MAPKAPK2: variants seen among roughly 807,000 people sequenced by gnomAD.
MAPKAPK2 encodes the protein MAPK activated protein kinase 2.
In MAPKAPK2, 9 loss-of-function variants were observed where a neutral mutation model predicts 48.8. The ratio of observed to expected loss-of-function variants is 0.18; its 90% CI spans 0.11 to 0.32. MAPKAPK2 has a LOEUF of 0.32. Ranked by LOEUF, MAPKAPK2 falls within the 10% of genes least tolerant of loss-of-function variation. The pLI is 1.00. For synonymous variants in MAPKAPK2, 202 were observed against 190.6 expected (o/e 1.06, Z -0.49); for missense variants, 331 against 498.3 (o/e 0.66, Z 3.20).
intron 1 of MAPKAPK2, among the ~76,000 whole-genome samples, chr1:206,691,163 A>C (rs1553426186): frequency 6.6e-6 from 1 of 152,128 alleles, no homozygotes; most frequent in Admixed American, 6.5e-5. Flanking sequence ...AGAAATGTTC[A>C]GTGGCATGTC....
intron 1 of MAPKAPK2, among the ~76,000 whole-genome samples, chr1:206,688,999 C>T (rs1255786232): frequency 1.3e-5 from 2 of 152,110 alleles, no homozygotes; most frequent in Non-Finnish European, 2.9e-5. Flanking sequence ...TTGTATTCCC[C>T]GGGAGGGTTC....
intron 1 of MAPKAPK2, among the ~76,000 whole-genome samples, chr1:206,716,375 T>C (rs1673335314): frequency 1.3e-5 from 2 of 152,306 alleles, no homozygotes; most frequent in East Asian, 1.9e-4. Context: ...TCCCTGGCCA[T>C]GTAGTCTGCT....
At chr1:206,711,514 G>A (rs192490323) in intron 1 of MAPKAPK2, among the ~76,000 whole-genome samples, 11 of 151,904 alleles carry the variant, frequency 7.2e-5, no homozygotes, top group Non-Finnish European at 1.5e-4. Context: ...GCCTCCCAGA[G>A]TGCTGGGATT....
intron 1 of MAPKAPK2, among the ~76,000 whole-genome samples, chr1:206,725,398 C>T (rs1157330053): frequency 6.6e-6 from 1 of 152,198 alleles, no homozygotes; most frequent in Non-Finnish European, 1.5e-5. Flanking sequence ...CTGGTTACAT[C>T]CACATGCTCC....
rs1572519817 is a variant in MAPKAPK2, at chr1:206,732,490, C to T, written c.1060-85C>T. On this transcript the variant is annotated intron_variant, in intron 9 of 9. Transcript: ENST00000367103. This position sits in a 1 kb window ranked among gnomAD's most constrained non-coding sequence, Gnocchi z 4.4. ...CGCCCTCACCCTGCCCTTGTTGTCT[C>T]TGTCTCTCACGTCTCTCTTCTGCTG... is the stretch of plus-strand genomic sequence containing the variant. 1 of 1,569,766 alleles carries T rather than the reference C, an allele frequency of 6.4e-7. No individual in the cohort carries two copies.
chr1:206,717,249 C>T (rs530947526), intron 1 of MAPKAPK2, among the ~76,000 whole-genome samples: 53 of 152,294 alleles, frequency 3.5e-4, no homozygotes, highest in Admixed American at 7.8e-4. Flanking sequence ...TTGGTTGCCG[C>T]ACCTGTACGA....
chr1:206,703,841 A>G (rs1209615913), intron 1 of MAPKAPK2, among the ~76,000 whole-genome samples: 2 of 152,200 alleles, frequency 1.3e-5, no homozygotes, highest in Admixed American at 1.3e-4. Flanking sequence ...AAGGCGTTGT[A>G]AGAAACATGC....
rs1216437188 is a variant in MAPKAPK2, at chr1:206,733,302, GTGTGCA to G, written c.*585_*590del. On this transcript the variant is annotated 3_prime_UTR_variant, in exon 10 of 10. Coordinates refer to ENST00000367103, the MANE Select transcript of MAPKAPK2 (RefSeq NM_032960.4). ...TGTATGTGTGTGTGTGTGTGTGTGT[GTGTGCA>G]CACGTGTGTATGAGTGCGCAGATCT... 1 of 153,314 alleles carries G rather than the reference GTGTGCA, an allele frequency of 6.5e-6. No individual in the cohort carries two copies. The highest frequency in any genetic ancestry group is 1.9e-4 in the East Asian group (1 of 5,316). The allele number at this position is 153,314 out of a possible 1,614,324, so 9.5% of individuals were successfully genotyped here.
chr1:206,730,782 GGGCT>G lies in MAPKAPK2; in HGVS notation c.767+22_767+25del. The G allele has an allele frequency of 6.4e-7, 1 of 1,551,590 alleles. No homozygotes were observed. The highest frequency in any genetic ancestry group is 8.9e-7 in the Non-Finnish European group (1 of 1,122,890). On this transcript the variant is annotated intron_variant, in intron 6 of 9. Coordinates refer to ENST00000367103, the MANE Select transcript of MAPKAPK2 (RefSeq NM_032960.4). Reference sequence around the variant, plus strand: ...ACATCCTGTGAGTGTGCTGGGGAGGGGGCTGGGTGGGGCAGGGAGTCAGGGCGGC... The same window carrying G: ...ACATCCTGTGAGTGTGCTGGGGAGGGGGGTGGGGCAGGGAGTCAGGGCGGC...
rs550900907 is a variant in MAPKAPK2 at position 206,732,567 on chromosome 1, G to T, written c.1060-8G>T. On this transcript the variant is annotated splice_polypyrimidine_tract_variant and splice_region_variant and intron_variant, in intron 9 of 9. Coordinates refer to ENST00000367103, the MANE Select transcript of MAPKAPK2 (RefSeq NM_032960.4). The surrounding 1 kb of genome is among the most constrained non-coding windows in gnomAD (Gnocchi z 4.4). ...TCTGTACCCTTCCTGGTGCTGCCGT[G>T]CCCCCAGGAGGAGATGACCAGTGCC... The T allele has an allele frequency of 6.2e-7, 1 of 1,613,600 alleles. No homozygotes were observed. The highest frequency in any genetic ancestry group is 1.1e-5 in the South Asian group (1 of 91,050).
rs782137999 is a variant in MAPKAPK2 at position 206,733,052 on chromosome 1, ATACTGCAAAGGCTTGTGGTT to A, written c.*336_*355del. On this transcript the variant is annotated 3_prime_UTR_variant, in exon 10 of 10. Coordinates refer to ENST00000367103, the MANE Select transcript of MAPKAPK2 (RefSeq NM_032960.4). ...CTCCACCAGACGCCTTCCTCTCTGG[ATACTGCAAAGGCTTGTGGTT>A]TGTTAGAGGGTATTTGTGGAAACTG... 3.9e-4 allele frequency: 106 copies of A among 269,082 alleles called. No individual in the cohort carries two copies. Among genetic ancestry groups the A allele is most frequent in the Admixed American group, 1.2e-3 (24 of 20,748 alleles). 16.7% of individuals were successfully genotyped at this position (269,082 alleles called of 1,614,324 possible).
In MAPKAPK2 at chr1:206,704,407, G is replaced by C. The variant is rs1185668094; in HGVS notation, c.279+18899G>C. ...GTTGCTGGAATTAGTGGTGGTGGTGGCTCAGCTCACCCAGACCATGTGTGA... is the reference window on the plus strand; with the variant it reads ...GTTGCTGGAATTAGTGGTGGTGGTGCCTCAGCTCACCCAGACCATGTGTGA... On this transcript the variant is annotated intron_variant, in intron 1 of 9. Transcript: ENST00000367103. The surrounding 1 kb of genome is among the most constrained non-coding windows in gnomAD (Gnocchi z 4.3). Among the ~76,000 whole-genome samples the C allele has an allele frequency of 3.3e-5, 5 of 152,176 alleles. No homozygotes were observed. The highest frequency in any genetic ancestry group is 1.2e-4 in the African/African-American group (5 of 41,444).
chr1:206,691,523 A>G (rs1672458840), intron 1 of MAPKAPK2, among the ~76,000 whole-genome samples: 1 of 148,032 alleles, frequency 6.8e-6, no homozygotes, highest in African/African-American at 2.5e-5. Context: ...ACACAGATAT[A>G]GATATGTAGA....
intron 1 of MAPKAPK2, 151 bp downstream of exon 1, chr1:206,685,659 G>GT: frequency 2.0e-6 from 1 of 503,036 alleles, no homozygotes; most frequent in Non-Finnish European, 2.6e-6. Context: ...GCGGTGCCGA[G>GT]TGCGGCGCGG....
chr1:206,698,469 T>G lies in MAPKAPK2; in HGVS notation c.279+12961T>G, dbSNP rs1183346731. 4.1e-4 allele frequency among the ~76,000 whole-genome samples: 62 copies of G among 152,208 alleles called. 1 individual carries two copies. The highest frequency in any genetic ancestry group is 2.9e-5 in the Non-Finnish European group (2 of 68,032). On this transcript the variant is annotated intron_variant, in intron 1 of 9. Transcript: ENST00000367103. ...TTAATTAGCAATGCCAAGAGTGACTTGTACAGCTCCCCTAAGGATAGCTCA... is the reference window on the plus strand; with the variant it reads ...TTAATTAGCAATGCCAAGAGTGACTGGTACAGCTCCCCTAAGGATAGCTCA...
intron 3 of MAPKAPK2, 34 bp from the exon 4 acceptor site, chr1:206,729,362 T>G: frequency 1.3e-6 from 2 of 1,561,530 alleles, no homozygotes; most frequent in East Asian, 2.2e-5. Flanking sequence ...CTTTGTGACT[T>G]TCTTTCCCAC....
Position 206,728,839 on chromosome 1 carries a change from G to A in MAPKAPK2, c.409G>A (p.Val137Ile). ...LYAGRKCLLI[V>I]MECLDGGELF... ...CGCAGGGAGGAAGTGCCTGCTGATT[G>A]TCATGGAATGGTAAGCAGCCACTGT... The change falls in exon 2 of 10, where the codon GTC (valine) becomes ATC (isoleucine). Residue 137 changes from valine (V) to isoleucine (I), a missense_variant. Coordinates refer to ENST00000367103, the MANE Select transcript of MAPKAPK2 (RefSeq NM_032960.4). The A allele has an allele frequency of 1.2e-6, 2 of 1,614,150 alleles. No individual in the cohort carries two copies. Among genetic ancestry groups the A allele is most frequent in the Non-Finnish European group, 1.7e-6 (2 of 1,180,008 alleles).
At chr1:206,730,130 T>G (rs782388182) in intron 5 of MAPKAPK2, 32 bp downstream of exon 5, 8 of 1,612,760 alleles carry the variant, frequency 5.0e-6, no homozygotes, top group Non-Finnish European at 6.8e-6. Context: ...GGACCTAGGC[T>G]TTTCCCAGAA....
intron 1 of MAPKAPK2, among the ~76,000 whole-genome samples, chr1:206,686,467 C>T (rs1672292135): frequency 6.6e-6 from 1 of 152,116 alleles, no homozygotes; most frequent in Admixed American, 6.5e-5. Context: ...TGGGTGGGTC[C>T]GCAGTGAAGT....
Sources: allele counts gnomAD v4.1 joint callset (sites outside exome capture counted in the v4.1 genomes callset), GRCh38; gene constraint gnomAD v4.1.1; non-coding constraint Gnocchi (gnomAD v3.1); transcripts MANE v1.5; gene names NCBI Gene and HGNC (gene_info 2026-07-23, HGNC 2026-07-21).